The following UBE2K variants were observed in gnomAD, a reference collection of about 807,000 sequenced individuals.
The protein encoded by UBE2K is ubiquitin-conjugating enzyme E2 K.
In UBE2K, 6 loss-of-function variants were observed where a neutral mutation model predicts 30.0. That is an observed-to-expected ratio of 0.20 (90% CI 0.11 to 0.39). The LOEUF is 0.39. Among genes scored for constraint, UBE2K ranks in the 10% least tolerant of loss-of-function variants. The pLI, the probability that UBE2K is intolerant of heterozygous loss-of-function variation, is 1.00. For missense variants in UBE2K, 61 were observed against 241.6 expected (o/e 0.25, Z 4.96); for synonymous variants, 86 against 83.7 (o/e 1.03, Z -0.15).
chr4:39,701,953 G>A (rs548288042), intron 1 of UBE2K, among the ~76,000 whole-genome samples: 3 of 151,590 alleles, frequency 2.0e-5, no homozygotes, highest in South Asian at 4.2e-4. Context: ...TAGAGACGAC[G>A]TTTCACCATG....
At chr4:39,752,140 GTTTTGTTTTT>G (rs1435929480) in intron 3 of UBE2K, among the ~76,000 whole-genome samples, 1 of 151,996 alleles carries the variant, frequency 6.6e-6, no homozygotes, top group Non-Finnish European at 1.5e-5. Flanking sequence ...TGTTTGTTTT[GTTTTGTTTTT>G]GAGACGGAGT....
At position 39,715,347 on chromosome 4, in the gene UBE2K, T is replaced by A. The variant is rs142700585; in HGVS notation, c.63+16957T>A. On this transcript the variant is annotated intron_variant, in intron 1 of 6. Transcript: ENST00000261427. The stretch of plus-strand genomic sequence containing the variant: ...CCGGCCAGCTAATTTTTAAAAAAAA[T>A]TTTTGTAGAGATGGGAATCTCCCTA... 4.6e-5 allele frequency among the ~76,000 whole-genome samples: 7 copies of A among 151,690 alleles called. No homozygotes were observed. The East Asian group carries it at 5.8e-4, about 13-fold the overall frequency.
chr4:39,780,726 G>A lies in UBE2K; in HGVS notation c.*2292G>A, dbSNP rs1222860812. ...TGGTATATTTCCCACTGTACTGTTT[G>A]GTTTTTGTTATTCTCTTGTCTGTGG... On this transcript the variant is annotated 3_prime_UTR_variant, in exon 7 of 7. Transcript: ENST00000261427. The A allele has an allele frequency of 6.6e-6, 1 of 151,564 alleles. No individual in the cohort carries two copies. Among genetic ancestry groups the A allele is most frequent in the Non-Finnish European group, 1.5e-5 (1 of 67,818 alleles). The allele number at this position is 151,564 out of a possible 1,614,324, so 9.4% of individuals were successfully genotyped here.
At chr4:39,765,585 C>T (rs572786142) in intron 4 of UBE2K, among the ~76,000 whole-genome samples, 2 of 152,192 alleles carry the variant, frequency 1.3e-5, no homozygotes, top group South Asian at 2.1e-4. Context: ...TTTGGGAGGC[C>T]GAGATGGATG....
chr4:39,724,152 G>A (rs77483636), intron 1 of UBE2K, among the ~76,000 whole-genome samples: 1,704 of 148,866 alleles, frequency 0.011, 36 homozygotes, highest in African/African-American at 0.041. Flanking sequence ...GTTGTCACCA[G>A]GCTGGAGTAC....
At chr4:39,769,643 C>A (rs1303657138) in intron 4 of UBE2K, among the ~76,000 whole-genome samples, 4 of 151,802 alleles carry the variant, frequency 2.6e-5, no homozygotes, top group Non-Finnish European at 5.9e-5. Context: ...TAAGCAGGAG[C>A]ATGTCCTCCT....
At chr4:39,766,768 G>A (rs1251691148) in intron 4 of UBE2K, among the ~76,000 whole-genome samples, 2 of 149,726 alleles carry the variant, frequency 1.3e-5, no homozygotes, top group Middle Eastern at 3.4e-3. Context: ...TCTTTTTTTC[G>A]AGACAGAGTC....
chr4:39,714,550 A>ATATATATATATATATATATATTTTTTT, intron 1 of UBE2K: 1 of 17,852 alleles, frequency 5.6e-5, no homozygotes, highest in African/African-American at 2.5e-4. Context: ...ATATATATAT[A>ATATATATATATATATATATATTTTTTT]TTTTTTTTTT....
chr4:39,733,051 GAAAA>G (rs59978380), intron 1 of UBE2K, among the ~76,000 whole-genome samples: 47 of 97,058 alleles, frequency 4.8e-4, no homozygotes, highest in Middle Eastern at 4.7e-3. Flanking sequence ...GGAACATCAG[GAAAA>G]AAAAAAAAAA....
At chr4:39,744,626 G>T (rs1047487785) in intron 2 of UBE2K, among the ~76,000 whole-genome samples, 1 of 151,730 alleles carries the variant, frequency 6.6e-6, no homozygotes, top group African/African-American at 2.4e-5. Flanking sequence ...AATAATTTGG[G>T]CTGGGCACAG....
chr4:39,750,552 G>A (rs1325507244), intron 3 of UBE2K, among the ~76,000 whole-genome samples: 2 of 151,986 alleles, frequency 1.3e-5, no homozygotes, highest in East Asian at 3.8e-4. Flanking sequence ...TAAAAATAAG[G>A]AGACATTATT....
intron 3 of UBE2K, among the ~76,000 whole-genome samples, chr4:39,752,932 A>ATCCT (rs1721345507): frequency 6.6e-6 from 1 of 152,020 alleles, no homozygotes; most frequent in Non-Finnish European, 1.5e-5. Context: ...AGAGGGGAGG[A>ATCCT]TTGCCTGAGC....
chr4:39,771,459 G>C (rs1292362532), intron 4 of UBE2K: 25 of 1,560,886 alleles, frequency 1.6e-5, no homozygotes, highest in Non-Finnish European at 2.2e-5. Flanking sequence ...GGGCAACCCT[G>C]GCCCGGTTCC....
chr4:39,729,838 C>T (rs568344247), intron 1 of UBE2K, among the ~76,000 whole-genome samples: 1 of 152,368 alleles, frequency 6.6e-6, no homozygotes, highest in Middle Eastern at 3.4e-3. Context: ...CCATTTTGCA[C>T]AGCGTGTACG....
At chr4:39,720,797 G>A (rs564420574) in intron 1 of UBE2K, among the ~76,000 whole-genome samples, 3 of 152,212 alleles carry the variant, frequency 2.0e-5, no homozygotes, top group Admixed American at 1.3e-4. Flanking sequence ...AGGCTGGAGT[G>A]CAGTGGTATG....
chr4:39,760,593 T>C (rs1711859730), intron 4 of UBE2K, among the ~76,000 whole-genome samples: 1 of 152,124 alleles, frequency 6.6e-6, no homozygotes, highest in African/African-American at 2.4e-5. Flanking sequence ...TGAACCAGAA[T>C]TTATGGTGAT....
intron 1 of UBE2K, among the ~76,000 whole-genome samples, chr4:39,721,619 A>G (rs1395389737): frequency 6.6e-6 from 1 of 152,058 alleles, no homozygotes; most frequent in Admixed American, 6.6e-5. Flanking sequence ...GGCCTCCCAC[A>G]GTGCTGGGAT....
chr4:39,714,298 G>T, intron 1 of UBE2K: 1 of 204,230 alleles, frequency 4.9e-6, no homozygotes, highest in South Asian at 9.9e-5. Context: ...TGAGCTGCCT[G>T]CCATCCAGTT....
intron 3 of UBE2K, among the ~76,000 whole-genome samples, chr4:39,754,187 A>G (rs1475909593): frequency 6.6e-6 from 1 of 152,190 alleles, no homozygotes. Context: ...AAGGCAGTAA[A>G]GTCAGGAGAC....
Sources: allele counts gnomAD v4.1 joint callset (sites outside exome capture counted in the v4.1 genomes callset), GRCh38; gene constraint gnomAD v4.1.1; transcripts MANE v1.5; gene names NCBI Gene and HGNC (gene_info 2026-07-23, HGNC 2026-07-21).